FBXW8: variants seen among roughly 807,000 people sequenced by gnomAD.
FBXW8 encodes F-box/WD repeat-containing protein 8.
In FBXW8, 57 loss-of-function variants were observed where a neutral mutation model predicts 65.3. The observed-to-expected ratio is 0.87, with a 90% CI of 0.71 to 1.09. FBXW8 has a LOEUF of 1.09. Ranked by LOEUF, FBXW8 falls within the 50% of genes least tolerant of loss-of-function variation. FBXW8 has a pLI of 0.00. For synonymous variants in FBXW8, 308 were observed against 330.2 expected, an observed-to-expected ratio of 0.93 and a Z score of 0.73; for missense variants, 777 against 814.8, an observed-to-expected ratio of 0.95 and a Z score of 0.57.
chr12:116,950,343 A>G (rs1349872623), intron 4 of FBXW8: 1 of 152,398 alleles, frequency 6.6e-6, no homozygotes, highest in African/African-American at 2.4e-5. Context: ...TTTTTGGATT[A>G]GGAAGATGTC....
At chr12:116,994,714 T>C (rs890375792) in intron 7 of FBXW8, among the ~76,000 whole-genome samples, 1 of 152,228 alleles carries the variant, frequency 6.6e-6, no homozygotes, top group African/African-American at 2.4e-5. Flanking sequence ...TTTTTCATGT[T>C]TTGGTTTTGA....
intron 8 of FBXW8, among the ~76,000 whole-genome samples, chr12:117,018,949 G>A (rs1439971191): frequency 6.6e-6 from 1 of 151,650 alleles, no homozygotes; most frequent in African/African-American, 2.4e-5. Context: ...AACCAAATAT[G>A]CACTGAAAAG....
chr12:116,997,909 G>A (rs1358694029), intron 7 of FBXW8, among the ~76,000 whole-genome samples: 1 of 152,138 alleles, frequency 6.6e-6, no homozygotes, highest in African/African-American at 2.4e-5. Flanking sequence ...TCTGCCTCTC[G>A]GGTTCAAGCA....
intron 8 of FBXW8, among the ~76,000 whole-genome samples, chr12:117,023,809 T>C (rs916153094): frequency 6.6e-6 from 1 of 152,244 alleles, no homozygotes; most frequent in African/African-American, 2.4e-5. Context: ...AAAATTACTG[T>C]GCTGGGCAGT....
At chr12:117,012,384 T>G (rs1245593228) in intron 8 of FBXW8, among the ~76,000 whole-genome samples, 3 of 152,138 alleles carry the variant, frequency 2.0e-5, no homozygotes, top group African/African-American at 7.2e-5. Context: ...TTAACCAGTG[T>G]GAGTCCTAGA....
chr12:116,945,471 G>A lies in FBXW8; in HGVS notation c.531G>A (p.Trp177Ter), dbSNP rs1311004695. ...GCAGCATCTCTGACTATTCTTGCTG[G>A]AAGCTCATCTTCCAAGAGTGCCGAG... ...PDSSISDYSC[W>*]KLIFQECRAK... Residue 177 changes from tryptophan to a stop codon, truncating the protein, a stop_gained, in exon 3 of 11, where the codon TGG (tryptophan) becomes TGA (stop). Transcript: ENST00000652555. LOFTEE classifies it high-confidence loss of function. 6 of 1,614,184 alleles carry A rather than the reference G, an allele frequency of 3.7e-6. No homozygotes were observed. The highest frequency in any genetic ancestry group is 8.5e-7 in the Non-Finnish European group (1 of 1,180,022).
At chr12:116,917,745 C>T (rs184361176) in intron 1 of FBXW8, among the ~76,000 whole-genome samples, 35 of 152,148 alleles carry the variant, frequency 2.3e-4, no homozygotes, top group Non-Finnish European at 1.5e-5. Context: ...GTAATCCCAG[C>T]ACTTTGGGAG....
rs1000306191 is a variant in FBXW8 at position 116,922,684 on chromosome 12, TG to T, written c.319-5335del. Among the ~76,000 whole-genome samples, 15 of 152,314 alleles carry T rather than the reference TG, an allele frequency of 9.8e-5. No homozygotes were observed. In the East Asian group the frequency reaches 2.7e-3, roughly 27 times the overall value. ...ACATAGGAATACAAATCAGCCTCCC[TG>T]GGGATGGATCTCTTTGCAATTTCTC... On this transcript the variant is annotated intron_variant, in intron 1 of 10. Coordinates refer to ENST00000652555, the MANE Select transcript of FBXW8 (RefSeq NM_153348.3).
intron 9 of FBXW8, among the ~76,000 whole-genome samples, chr12:117,026,638 C>A (rs1565948702): frequency 6.6e-6 from 1 of 152,190 alleles, no homozygotes; most frequent in East Asian, 1.9e-4. Flanking sequence ...CTCCTCCCAG[C>A]ACTTAACTCT....
At chr12:117,003,300 C>CT (rs1565936863) in intron 7 of FBXW8, 2 of 152,290 alleles carry the variant, frequency 1.3e-5, no homozygotes. Context: ...TGAGCCCCTC[C>CT]TATGTGCCAA....
chr12:117,027,955 C>T (rs1215258349), intron 10 of FBXW8, 73 bp from the exon 11 acceptor site: 1 of 1,596,046 alleles, frequency 6.3e-7, no homozygotes, highest in Non-Finnish European at 8.5e-7. Context: ...ACGCCTCCTG[C>T]ACAGACAGAA....
Position 116,985,333 on chromosome 12 carries a change from T to G in FBXW8, c.963T>G (p.Asp321Glu), listed in dbSNP as rs750237899. 3 of 1,614,240 alleles carry G rather than the reference T, an allele frequency of 1.9e-6. No homozygotes were observed. The African/African-American group carries it at 4.0e-5, about 22-fold the overall frequency. The change falls in exon 6 of 11, where the codon GAT becomes GAG. Residue 321 changes from aspartate (D) to glutamate (E), a missense_variant. Transcript: ENST00000652555. The part of the protein sequence containing the change: ...DATVATASAF[D>E]VVMLSPNEEG... ...CCGTGGCCACAGCTTCTGCTTTTGA[T>G]GTCGTGATGTTATCCCCCAATGAGG...
chr12:116,947,237 G>GT (rs1273694789), intron 3 of FBXW8, among the ~76,000 whole-genome samples: 1 of 152,156 alleles, frequency 6.6e-6, no homozygotes, highest in Non-Finnish European at 1.5e-5. Flanking sequence ...CATGTGTTAG[G>GT]TAAGTACTCA....
At chr12:116,962,043 T>C (rs1319687460) in intron 4 of FBXW8, among the ~76,000 whole-genome samples, 3 of 152,138 alleles carry the variant, frequency 2.0e-5, no homozygotes, top group African/African-American at 7.2e-5. Context: ...CACAGCGGTG[T>C]TGAAGGGGCC....
Position 116,949,686 on chromosome 12 carries a change from C to CGATGGTGT in FBXW8, c.659_666dup (p.Val223MetfsTer13), listed in dbSNP as rs755710991. The CGATGGTGT allele has an allele frequency of 6.2e-7, 1 of 1,614,168 alleles. No homozygotes were observed. Among genetic ancestry groups the CGATGGTGT allele is most frequent in the South Asian group, 1.1e-5 (1 of 91,080 alleles). ...CAGTTTTGTGTGATGTGCATTCTCA[C>CGATGGTGT]GATGGTGTGGTCATTGCGGGGTAAG... is the stretch of plus-strand genomic sequence containing the variant. On this transcript the variant is annotated frameshift_variant, in exon 4 of 11. Coordinates refer to ENST00000652555, the MANE Select transcript of FBXW8 (RefSeq NM_153348.3). LOFTEE classifies it high-confidence loss of function.
At chr12:116,954,415 C>T (rs1408639463) in intron 4 of FBXW8, among the ~76,000 whole-genome samples, 4 of 152,052 alleles carry the variant, frequency 2.6e-5, no homozygotes, top group African/African-American at 9.7e-5. Flanking sequence ...GATAATTATA[C>T]CCCAATTTCC....
intron 4 of FBXW8, among the ~76,000 whole-genome samples, chr12:116,960,879 G>A (rs1883945941): frequency 2.0e-5 from 3 of 152,198 alleles, no homozygotes; most frequent in African/African-American, 7.2e-5. Context: ...TAGTAGTTGA[G>A]TCAGAAAGCT....
chr12:116,923,717 AATTTATTT>A, intron 1 of FBXW8, among the ~76,000 whole-genome samples: 1 of 140,326 alleles, frequency 7.1e-6, no homozygotes. Flanking sequence ...TTAATTAATT[AATTTATTT>A]ATTTATTTAT....
At chr12:116,926,215 T>C (rs1881318056) in intron 1 of FBXW8, among the ~76,000 whole-genome samples, 1 of 152,160 alleles carries the variant, frequency 6.6e-6, no homozygotes, top group Admixed American at 6.5e-5. Flanking sequence ...AAGAAAGCAA[T>C]GCCTGCAAGT....
Sources: allele counts gnomAD v4.1 joint callset (sites outside exome capture counted in the v4.1 genomes callset), GRCh38; gene constraint gnomAD v4.1.1; transcripts MANE v1.5; gene names NCBI Gene and HGNC (gene_info 2026-07-23, HGNC 2026-07-21).